Variants in LOC400499 observed in about 807,000 individuals in gnomAD.
the LOC400499 span, among the ~76,000 whole-genome samples, chr16:11,439,329 T>C: frequency 2.6e-5 from 4 of 152,168 alleles, no homozygotes; most frequent in African/African-American, 9.7e-5. Context: ...TGTTCTTGAT[T>C]CTACAGGGCT....
the LOC400499 span, among the ~76,000 whole-genome samples, chr16:11,466,273 T>C: frequency 1.1e-4 from 16 of 152,268 alleles, no homozygotes; most frequent in African/African-American, 3.4e-4. Flanking sequence ...CGCCAACCAA[T>C]AGAACTTTCT....
chr16:11,499,607 G>T, the LOC400499 span, among the ~76,000 whole-genome samples: 4 of 152,066 alleles, frequency 2.6e-5, no homozygotes, highest in East Asian at 7.7e-4. Flanking sequence ...GAAGGCAAGG[G>T]CTCCCTATAT....
the LOC400499 span, chr16:11,384,012 G>A: frequency 7.3e-6 from 9 of 1,231,690 alleles, no homozygotes; most frequent in Non-Finnish European, 8.1e-6. Context: ...CACCCACCTG[G>A]CAGGATGGAT....
chr16:11,402,672 G>C, the LOC400499 span, among the ~76,000 whole-genome samples: 1 of 152,174 alleles, frequency 6.6e-6, no homozygotes, highest in Non-Finnish European at 1.5e-5. Context: ...GAGCAGGCTG[G>C]AGAGCCCAGC....
At chr16:11,450,489 A>G in the LOC400499 span, 2 of 948,328 alleles carry the variant, frequency 2.1e-6, no homozygotes, top group South Asian at 3.3e-5. Context: ...GGAGGGCCAG[A>G]CTTCACACAC....
the LOC400499 span, among the ~76,000 whole-genome samples, chr16:11,380,364 G>A: frequency 1.4e-4 from 22 of 151,832 alleles, no homozygotes; most frequent in African/African-American, 3.1e-4. Context: ...GGCAGATCAC[G>A]AAGTCAGGAG....
chr16:11,491,614 G>A, the LOC400499 span: 52,038 of 371,584 alleles, frequency 0.14, 4,683 homozygotes, highest in Non-Finnish European at 0.16. Flanking sequence ...GGGAGAGGAT[G>A]CTCTCAAATC....
the LOC400499 span, among the ~76,000 whole-genome samples, chr16:11,422,585 G>A: frequency 5.3e-5 from 8 of 152,172 alleles, no homozygotes; most frequent in Non-Finnish European, 1.0e-4. Context: ...CCTGTTTTAT[G>A]AGGCAGGAAC....
chr16:11,450,564 A>G, the LOC400499 span: 1 of 1,515,838 alleles, frequency 6.6e-7, no homozygotes, highest in South Asian at 1.2e-5. Context: ...AAAAGATCTC[A>G]GTGGCAGGGG....
chr16:11,482,871 G>A, the LOC400499 span, among the ~76,000 whole-genome samples: 7 of 147,312 alleles, frequency 4.8e-5, no homozygotes, highest in Non-Finnish European at 1.0e-4. Flanking sequence ...CAGCCTGCAT[G>A]ACAGAACCAG....
chr16:11,521,171 T>C, the LOC400499 span, among the ~76,000 whole-genome samples: 2 of 152,138 alleles, frequency 1.3e-5, no homozygotes, highest in Non-Finnish European at 1.5e-5. Flanking sequence ...GTGGTCTACA[T>C]GAAAATACAA....
the LOC400499 span, chr16:11,448,120 A>G: frequency 2.1e-5 from 32 of 1,513,732 alleles, no homozygotes; most frequent in Non-Finnish European, 2.6e-6. Context: ...AGCAGGACCA[A>G]GCTGCAGACC....
the LOC400499 span, chr16:11,390,459 G>C: frequency 8.0e-7 from 1 of 1,242,800 alleles, no homozygotes; most frequent in Non-Finnish European, 1.0e-6. Context: ...GTGTGGCCAG[G>C]GGCCCTGCAA....
At chr16:11,474,948 A>C in the LOC400499 span, among the ~76,000 whole-genome samples, 2 of 152,358 alleles carry the variant, frequency 1.3e-5, no homozygotes, top group East Asian at 3.9e-4. Flanking sequence ...GTCATGCAAG[A>C]AGCTGCCTTC....
chr16:11,461,859 T>C, the LOC400499 span, among the ~76,000 whole-genome samples: 1 of 152,182 alleles, frequency 6.6e-6, no homozygotes, highest in African/African-American at 2.4e-5. Flanking sequence ...GCCCAGTGTA[T>C]TTTAGGTCAA....
the LOC400499 span, among the ~76,000 whole-genome samples, chr16:11,416,964 C>T: frequency 4.6e-5 from 7 of 152,074 alleles, no homozygotes; most frequent in African/African-American, 7.2e-5. Context: ...GTGATCGGGA[C>T]GGCTGTACTG....
At chr16:11,384,263 C>G in the LOC400499 span, 1 of 1,232,348 alleles carries the variant, frequency 8.1e-7, no homozygotes, top group Non-Finnish European at 1.0e-6. Context: ...ATAGAGCCAT[C>G]CGGCAACATC....
At chr16:11,522,140 G>A in the LOC400499 span, 1 of 398,896 alleles carries the variant, frequency 2.5e-6, no homozygotes, top group Non-Finnish European at 4.4e-6. Flanking sequence ...AGACAGCAAT[G>A]TCACCTTGAA....
At chr16:11,445,116 G>C in the LOC400499 span, among the ~76,000 whole-genome samples, 1 of 150,128 alleles carries the variant, frequency 6.7e-6, no homozygotes, top group Non-Finnish European at 1.5e-5. Flanking sequence ...ACTGGGATTT[G>C]TGATAGGTAC....
Sources: gnomAD v4.1 joint callset for allele counts (sites outside exome capture counted in the v4.1 genomes callset) on GRCh38, gnomAD v4.1.1 for gene constraint, MANE v1.5 for transcripts.